Variants in ZRANB3 observed in about 807,000 individuals in gnomAD.
ZRANB3 encodes the protein DNA annealing helicase and endonuclease ZRANB3.
ZRANB3 carries 125 observed loss-of-function variants against 133.8 expected under a neutral mutation model. That is an observed-to-expected ratio of 0.93 (90% CI 0.81 to 1.08). ZRANB3 has a LOEUF of 1.08. Ranked by LOEUF, ZRANB3 falls within the 50% of genes least tolerant of loss-of-function variation. ZRANB3 has a pLI of 0.00. For synonymous variants in ZRANB3, 387 were observed against 432.7 expected (o/e 0.89, Z 1.31); for missense variants, 1,229 against 1,275.5 (o/e 0.96, Z 0.56).
In ZRANB3 at chr2:135,244,423, C is replaced by T. The variant is rs543116533; in HGVS notation, c.1540-13496G>A. ...GAGTTCGAAACCAGCCTGGCCAACA[C>T]GGTGAAACCCTGTCTCTACTGAAAA... On this transcript the variant is annotated intron_variant, in intron 12 of 20. Coordinates refer to ENST00000264159, the MANE Select transcript of ZRANB3 (RefSeq NM_032143.4). 3.0e-3 allele frequency among the ~76,000 whole-genome samples: 454 copies of T among 152,070 alleles called. 3 individuals carry two copies. The highest frequency in any genetic ancestry group is 0.01 in the African/African-American group (423 of 41,478).
At chr2:135,355,357 G>GAT in intron 3 of ZRANB3, 5 of 450,494 alleles carry the variant, frequency 1.1e-5, no homozygotes, top group Non-Finnish European at 1.5e-5. Context: ...AACAATCACA[G>GAT]ATCTTTTTTT....
At position 135,230,712 on chromosome 2, in the gene ZRANB3, G is replaced by A. The variant is rs75794892; in HGVS notation, c.1755C>T (p.Asp585=). ...TKRLKLAASE[D]HCSPSEETPS... Reference sequence around the variant, plus strand: ...GTGTCTCTTCCGACGGACTGCAGTGGTCTTCCGAGGCAGCCAATTTCAATC... The same window carrying A: ...GTGTCTCTTCCGACGGACTGCAGTGATCTTCCGAGGCAGCCAATTTCAATC... The change falls in exon 13 of 21, where the codon GAC becomes GAT. Residue 585 remains aspartate, a synonymous_variant. Coordinates refer to ENST00000264159, the MANE Select transcript of ZRANB3 (RefSeq NM_032143.4). 5.0e-4 allele frequency: 811 copies of A among 1,612,962 alleles called. 4 individuals carry two copies. The African/African-American group carries it at 9.6e-3, about 19-fold the overall frequency.
chr2:135,511,747 A>G (rs528095918), intron 1 of ZRANB3: 116 of 764,576 alleles, frequency 1.5e-4, no homozygotes, highest in Non-Finnish European at 2.6e-4. Context: ...GTTTCGTGAC[A>G]TCACTTTCCT....
intron 12 of ZRANB3, among the ~76,000 whole-genome samples, chr2:135,241,403 T>C (rs2105083003): frequency 6.6e-6 from 1 of 152,032 alleles, no homozygotes; most frequent in East Asian, 1.9e-4. Context: ...ATTTTATTTT[T>C]ATGGGCAATA....
At chr2:135,315,224 G>A (rs1294574182) in intron 7 of ZRANB3, 135 bp downstream of exon 7, 1 of 811,780 alleles carries the variant, frequency 1.2e-6, no homozygotes, top group Non-Finnish European at 1.7e-6. Context: ...CAAAACCAAT[G>A]TATAGGCTCT....
rs141155189 is a variant in ZRANB3 at position 135,405,053 on chromosome 2, G to C, written c.162-14233C>G. Among the ~76,000 whole-genome samples the C allele has an allele frequency of 2.9e-3, 447 of 152,260 alleles. 2 individuals carry two copies. The highest frequency in any genetic ancestry group is 0.01 in the African/African-American group (423 of 41,536). ...TTGGATAAAGAGTCAAGACCCATCA[G>C]TGTGCTGTATTCAGGAAACCCATCT... On this transcript the variant is annotated intron_variant, in intron 2 of 20. Coordinates refer to ENST00000264159, the MANE Select transcript of ZRANB3 (RefSeq NM_032143.4).
intron 2 of ZRANB3, among the ~76,000 whole-genome samples, chr2:135,449,344 G>A (rs1690162992): frequency 6.6e-6 from 1 of 152,190 alleles, no homozygotes; most frequent in Non-Finnish European, 1.5e-5. Flanking sequence ...TTTTGGCTGG[G>A]CGTGGTGGCT....
chr2:135,378,648 G>A (rs1000683843), intron 3 of ZRANB3, among the ~76,000 whole-genome samples: 1 of 152,182 alleles, frequency 6.6e-6, no homozygotes, highest in African/African-American at 2.4e-5. Context: ...CCTTAAGCCA[G>A]GTGATTGGGA....
chr2:135,528,109 T>C (rs1165181729), intron 1 of ZRANB3, among the ~76,000 whole-genome samples: 2 of 152,124 alleles, frequency 1.3e-5, no homozygotes, highest in Admixed American at 6.6e-5. Context: ...TCAACTCAAA[T>C]TTATTTAATA....
At chr2:135,466,382 C>CAAAAAA (rs553890734) in intron 2 of ZRANB3, among the ~76,000 whole-genome samples, 36 of 28,222 alleles carry the variant, frequency 1.3e-3, no homozygotes, top group East Asian at 2.5e-3. Context: ...GACTCCGTCA[C>CAAAAAA]AAAAAAAAAA....
chr2:135,409,119 G>T (rs999545847), intron 2 of ZRANB3, among the ~76,000 whole-genome samples: 1 of 152,096 alleles, frequency 6.6e-6, no homozygotes, highest in Non-Finnish European at 1.5e-5. Flanking sequence ...ATCATAGTGG[G>T]AGGTGAAGGA....
At chr2:135,525,248 A>G (rs1694102731) in intron 1 of ZRANB3, among the ~76,000 whole-genome samples, 2 of 152,234 alleles carry the variant, frequency 1.3e-5, no homozygotes, top group South Asian at 2.1e-4. Flanking sequence ...GATGCTCTAC[A>G]TCAATAGAAT....
chr2:135,524,631 A>G (rs889695634), intron 1 of ZRANB3, among the ~76,000 whole-genome samples: 4 of 152,308 alleles, frequency 2.6e-5, no homozygotes, highest in African/African-American at 9.6e-5. Context: ...AAAATGACTG[A>G]AAAAGAAGAG....
intron 19 of ZRANB3, 46 bp from the exon 20 acceptor site, chr2:135,203,009 G>A (rs764958175): frequency 6.3e-7 from 1 of 1,593,110 alleles, no homozygotes; most frequent in African/African-American, 1.3e-5. Flanking sequence ...TATACTGCAA[G>A]AAGTGTTTGT....
chr2:135,453,801 G>C (rs1690378341), intron 2 of ZRANB3, among the ~76,000 whole-genome samples: 1 of 152,120 alleles, frequency 6.6e-6, no homozygotes, highest in East Asian at 1.9e-4. Flanking sequence ...GTCTTCTTCA[G>C]AGCCCTTCAA....
intron 2 of ZRANB3, among the ~76,000 whole-genome samples, chr2:135,480,706 T>C (rs1691748361): frequency 6.7e-6 from 1 of 150,318 alleles, no homozygotes; most frequent in South Asian, 2.1e-4. Flanking sequence ...GCTGTTGTGC[T>C]GCACCCACTA....
At chr2:135,294,849 T>C (rs1423056831) in intron 8 of ZRANB3, among the ~76,000 whole-genome samples, 1 of 152,232 alleles carries the variant, frequency 6.6e-6, no homozygotes, top group African/African-American at 2.4e-5. Context: ...TTCATTTCAT[T>C]ATGTACCCAA....
intron 2 of ZRANB3, among the ~76,000 whole-genome samples, chr2:135,451,995 CA>C (rs1559008361): frequency 6.6e-6 from 1 of 152,008 alleles, no homozygotes; most frequent in Non-Finnish European, 1.5e-5. Flanking sequence ...GGAGAGAAGT[CA>C]AAAAATATAG....
intron 6 of ZRANB3, among the ~76,000 whole-genome samples, chr2:135,320,365 G>A (rs186036151): frequency 6.6e-6 from 1 of 152,338 alleles, no homozygotes; most frequent in East Asian, 1.9e-4. Flanking sequence ...CAAAGTATAA[G>A]CAGTATGCTT....
Sources: allele counts gnomAD v4.1 joint callset (sites outside exome capture counted in the v4.1 genomes callset), GRCh38; gene constraint gnomAD v4.1.1; transcripts MANE v1.5; gene names NCBI Gene and HGNC (gene_info 2026-07-23, HGNC 2026-07-21).